ZNF185: variants seen among roughly 807,000 people sequenced by gnomAD.
The protein encoded by ZNF185 is zinc finger protein 185.
Under a neutral mutation model 58.6 loss-of-function variants are expected in ZNF185, and 56 were observed. That is an observed-to-expected ratio of 0.95 (90% confidence interval 0.77 to 1.19). The LOEUF is 1.19. Ranked by LOEUF, ZNF185 falls within the 50% of genes most tolerant of loss-of-function variation. ZNF185 has a pLI of 0.00. For synonymous variants in ZNF185, 230 were observed against 215.9 expected (o/e 1.07, Z -0.57); for missense variants, 627 against 573.5 (o/e 1.09, Z -0.95).
chrX:152,918,477 T>C (rs1330174113), intron 6 of ZNF185, among the ~76,000 whole-genome samples: 2 of 113,148 alleles, frequency 1.8e-5, no homozygotes, highest in African/African-American at 6.4e-5. Context: ...TTCCTGGGCT[T>C]GGCCCTGCAC....
At chrX:152,920,202 TG>T in intron 7 of ZNF185, 125 bp from the exon 9 acceptor site, 1 of 522,415 alleles carries the variant, frequency 1.9e-6, no homozygotes, top group Non-Finnish European at 3.1e-6. Flanking sequence ...GGTGCAAATC[TG>T]GTTTCTCTCA....
At chrX:152,938,600 C>T (rs2046652898) in intron 15 of ZNF185, among the ~76,000 whole-genome samples, 2 of 110,953 alleles carry the variant, frequency 1.8e-5, no homozygotes, top group Non-Finnish European at 3.8e-5. Context: ...GATGAGTGTC[C>T]TTGTTGGGGA....
chrX:152,938,553 G>A lies in ZNF185; in HGVS notation c.1211+390G>A, dbSNP rs2071263. Among the ~76,000 whole-genome samples, 23 of 111,292 alleles carry A rather than the reference G, an allele frequency of 2.1e-4. No individual in the cohort carries two copies. The East Asian group carries it at 5.1e-3, about 25-fold the overall frequency. ...ATGAGCGCTAGAGCAGGGGAAGGGG[G>A]CTTCATGGGGACTGTATGTAGCTGG... On this transcript the variant is annotated intron_variant, in intron 15 of 22. Coordinates refer to ENST00000449285, the Ensembl canonical transcript of ZNF185.
chrX:152,959,463 A>G (rs2049236896), intron 16 of ZNF185, among the ~76,000 whole-genome samples: 1 of 112,344 alleles, frequency 8.9e-6, no homozygotes, highest in South Asian at 3.6e-4. Flanking sequence ...TTAACACCTC[A>G]TTGAAGTCGT....
At chrX:152,917,067 A>G in intron 3 of ZNF185, 64 bp from the exon 5 acceptor site, 1 of 1,195,231 alleles carries the variant, frequency 8.4e-7, no homozygotes, top group Non-Finnish European at 1.1e-6. Context: ...GGGCAGGATA[A>G]AGTAGGATGA....
chrX:152,939,255 T>C (rs2046848736), intron 15 of ZNF185, among the ~76,000 whole-genome samples: 1 of 97,044 alleles, frequency 1.0e-5, no homozygotes, highest in Non-Finnish European at 2.2e-5. Context: ...GTATGAGGCC[T>C]TATTGTGTTT....
exon 23 of ZNF185, chrX:152,972,764 C>G (rs1369054166): frequency 8.9e-6 from 1 of 111,755 alleles, no homozygotes; most frequent in Non-Finnish European, 1.9e-5. Flanking sequence ...TCAGCCGATC[C>G]TCTGCTCAGG....
intron 11 of ZNF185, among the ~76,000 whole-genome samples, 151 bp downstream of exon 12, chrX:152,922,960 C>T (rs782687090): frequency 2.7e-5 from 3 of 111,833 alleles, no homozygotes; most frequent in African/African-American, 9.7e-5. Context: ...CAGGAAGGGC[C>T]GTGATTTGTC....
chrX:152,938,200 G>A (rs2046583259), intron 15 of ZNF185, 37 bp downstream of exon 17: 2 of 1,140,141 alleles, frequency 1.8e-6, no homozygotes, highest in Admixed American at 2.6e-5. Context: ...CTTCTGGGGT[G>A]GAGAGAGGCA....
chrX:152,926,502 G>T (rs1325070999), intron 11 of ZNF185, among the ~76,000 whole-genome samples: 4 of 112,917 alleles, frequency 3.5e-5, no homozygotes, highest in African/African-American at 9.6e-5. Context: ...CCGCCTCCTC[G>T]CTCTTTGGCA....
At chrX:152,903,388 CAAAAAAAAA>C in the ZNF185 span, among the ~76,000 whole-genome samples, 35 of 35,863 alleles carry the variant, frequency 9.8e-4, no homozygotes, top group South Asian at 4.5e-3. Context: ...AGACTCGTCT[CAAAAAAAAA>C]AAAAAAAAAA....
intron 15 of ZNF185, among the ~76,000 whole-genome samples, chrX:152,943,013 A>G (rs1033470201): frequency 1.9e-4 from 21 of 111,608 alleles, no homozygotes; most frequent in African/African-American, 5.9e-4. Context: ...TCATATATAT[A>G]TGTTTTTGAA....
the ZNF185 span, among the ~76,000 whole-genome samples, chrX:152,899,339 G>A: frequency 2.7e-5 from 3 of 112,745 alleles, no homozygotes; most frequent in African/African-American, 6.4e-5. Flanking sequence ...CAGGGCCTCC[G>A]CTCCTCATCT....
At chrX:152,919,955 G>C (rs1323619383) in intron 7 of ZNF185, among the ~76,000 whole-genome samples, 1 of 113,208 alleles carries the variant, frequency 8.8e-6, no homozygotes, top group African/African-American at 3.2e-5. Context: ...TTGAATGCCA[G>C]CTCTGCCACC....
At chrX:152,938,871 AG>A (rs1478870760) in intron 15 of ZNF185, among the ~76,000 whole-genome samples, 1 of 101,562 alleles carries the variant, frequency 9.8e-6, no homozygotes, top group Non-Finnish European at 2.0e-5. Flanking sequence ...GGTACTACTT[AG>A]GTGGGTGGAA....
At chrX:152,918,986 A>G (rs781802245) in exon 7 of ZNF185, 9 of 1,205,538 alleles carry the variant, frequency 7.5e-6, no homozygotes, top group Non-Finnish European at 9.0e-6. Context: ...CTCTTAGGGC[A>G]CCCTACAATA....
At chrX:152,949,914 C>T (rs781794912) in intron 16 of ZNF185, among the ~76,000 whole-genome samples, 11 of 111,797 alleles carry the variant, frequency 9.8e-5, no homozygotes, top group East Asian at 2.8e-4. Context: ...TGACCCAGCA[C>T]GAGAGGACCA....
exon 4 of ZNF185, chrX:152,917,157 G>T (rs782174882): frequency 8.3e-7 from 1 of 1,209,719 alleles, no homozygotes; most frequent in African/African-American, 1.7e-5. Flanking sequence ...GCTCCCACTG[G>T]CTACATCATC....
At chrX:152,967,464 C>T (rs946047665) in intron 20 of ZNF185, among the ~76,000 whole-genome samples, 1 of 112,346 alleles carries the variant, frequency 8.9e-6, no homozygotes, top group Non-Finnish European at 1.9e-5. Flanking sequence ...TAGATACCAG[C>T]GGTGACTGAG....
Sources: allele counts gnomAD v4.1 joint callset (sites outside exome capture counted in the v4.1 genomes callset), GRCh38; gene constraint gnomAD v4.1.1; transcripts MANE v1.5; gene names NCBI Gene and HGNC (gene_info 2026-07-23, HGNC 2026-07-21).